Variants in AKAP7 observed in about 807,000 individuals in gnomAD.
The protein encoded by AKAP7 is A-kinase anchoring protein 7, also known as A kinase (PRKA) anchor protein 7.
In AKAP7, 39 loss-of-function variants were observed where a neutral mutation model predicts 39.5. The ratio of observed to expected loss-of-function variants is 0.99; its 90% confidence interval spans 0.76 to 1.29. The LOEUF (loss-of-function observed/expected upper bound fraction) is 1.29. Among genes scored for constraint, AKAP7 ranks in the 50% most tolerant of loss-of-function variants. AKAP7 has a pLI of 0.00. For missense variants in AKAP7, 414 were observed against 407.7 expected (o/e 1.02, Z -0.13); for synonymous variants, 140 against 139.1 (o/e 1.01, Z -0.05).
At chr6:131,182,789 T>C (rs1805395673) in intron 5 of AKAP7, among the ~76,000 whole-genome samples, 1 of 152,152 alleles carries the variant, frequency 6.6e-6, no homozygotes, top group South Asian at 2.1e-4. Context: ...CCAACACTTG[T>C]TATTTTCTAT....
intron 5 of AKAP7, among the ~76,000 whole-genome samples, chr6:131,175,192 G>A (rs549960001): frequency 1.4e-4 from 21 of 152,270 alleles, no homozygotes; most frequent in African/African-American, 4.8e-4. Flanking sequence ...TTTTCACATT[G>A]AGTGGACTGA....
At chr6:131,279,283 C>CT (rs1815008491) in intron 7 of AKAP7, among the ~76,000 whole-genome samples, 1 of 151,634 alleles carries the variant, frequency 6.6e-6, no homozygotes, top group African/African-American at 2.4e-5. Flanking sequence ...TTTTTTTCTT[C>CT]TTTTTTGAGA....
At chr6:131,184,785 G>A (rs1585037136) in intron 5 of AKAP7, 9 of 1,367,370 alleles carry the variant, frequency 6.6e-6, no homozygotes, top group East Asian at 4.6e-5. Context: ...CTTTGTCCTC[G>A]CCCTCCTCAG....
At chr6:131,261,811 A>G (rs1011861619) in intron 7 of AKAP7, among the ~76,000 whole-genome samples, 12 of 152,208 alleles carry the variant, frequency 7.9e-5, no homozygotes, top group Non-Finnish European at 1.5e-4. Context: ...AGTAGTTTGT[A>G]TCATTTAGAA....
At chr6:131,185,285 C>A in intron 5 of AKAP7, 1 of 471,094 alleles carries the variant, frequency 2.1e-6, no homozygotes, top group Non-Finnish European at 4.0e-6. Flanking sequence ...AGTAGTTGTC[C>A]AGAGGCCAAT....
the AKAP7 span, among the ~76,000 whole-genome samples, chr6:131,130,287 T>A: frequency 6.6e-6 from 1 of 152,204 alleles, no homozygotes; most frequent in Admixed American, 6.5e-5. Flanking sequence ...CAGAGTGTAA[T>A]GTGTAGGGAG....
At chr6:131,211,936 A>G (rs1808700198) in intron 6 of AKAP7, among the ~76,000 whole-genome samples, 1 of 152,230 alleles carries the variant, frequency 6.6e-6, no homozygotes, top group African/African-American at 2.4e-5. Context: ...CAAACCTGAT[A>G]GCCTAGCCTA....
At position 131,193,717 on chromosome 6, in the gene AKAP7, C is replaced by T. The variant is rs565063588; in HGVS notation, c.590-5744C>T. Among the ~76,000 whole-genome samples the T allele has an allele frequency of 1.9e-4, 29 of 152,034 alleles. No homozygotes were observed. The South Asian group carries it at 5.4e-3, about 28-fold the overall frequency. On this transcript the variant is annotated intron_variant, in intron 5 of 7. Transcript: ENST00000431975. ...ATTGCTGGGAGATGTTTTATTATGA[C>T]GTTTATCTCATTTGTTATTGGTCTG... is the stretch of plus-strand genomic sequence containing the variant.
intron 7 of AKAP7, among the ~76,000 whole-genome samples, chr6:131,249,175 T>C (rs1467031381): frequency 6.6e-6 from 1 of 152,162 alleles, no homozygotes; most frequent in Admixed American, 6.5e-5. Flanking sequence ...TCACAATATT[T>C]CTAATGTGGA....
chr6:131,183,965 C>G (rs551794244), intron 5 of AKAP7, among the ~76,000 whole-genome samples: 1 of 152,264 alleles, frequency 6.6e-6, no homozygotes, highest in Admixed American at 6.5e-5. Flanking sequence ...GGAGGCAGAA[C>G]AGAGAGAGAA....
chr6:131,164,046 A>T (rs1050354955), intron 3 of AKAP7, among the ~76,000 whole-genome samples: 6 of 152,188 alleles, frequency 3.9e-5, no homozygotes, highest in Non-Finnish European at 7.3e-5. Flanking sequence ...TGATTTGCAC[A>T]ATCACATTCC....
At chr6:131,154,468 G>GTTTTTTTTTTTTTTT (rs58715551) in intron 2 of AKAP7, among the ~76,000 whole-genome samples, 15 of 112,542 alleles carry the variant, frequency 1.3e-4, no homozygotes, top group Non-Finnish European at 1.4e-4. Context: ...CCCTGTCCCT[G>GTTTTTTTTTTTTTTT]TTTTTTTTTT....
At chr6:131,177,016 A>G (rs962253113) in intron 5 of AKAP7, among the ~76,000 whole-genome samples, 65 of 152,292 alleles carry the variant, frequency 4.3e-4, no homozygotes, top group African/African-American at 1.5e-3. Context: ...CTCTGTTTGC[A>G]TATGCCTCCA....
chr6:131,256,817 G>A (rs1357193663), intron 7 of AKAP7, among the ~76,000 whole-genome samples: 1 of 151,900 alleles, frequency 6.6e-6, no homozygotes, highest in Non-Finnish European at 1.5e-5. Flanking sequence ...TGGGATTATA[G>A]ATGTGAGCCA....
chr6:131,210,551 A>G (rs992362234), intron 6 of AKAP7, among the ~76,000 whole-genome samples: 12 of 152,250 alleles, frequency 7.9e-5, no homozygotes, highest in Admixed American at 3.9e-4. Context: ...AAGGCCTTTC[A>G]GTGCAACTGT....
intron 1 of AKAP7, among the ~76,000 whole-genome samples, chr6:131,143,031 G>A (rs1801176336): frequency 6.6e-6 from 1 of 152,168 alleles, no homozygotes. Flanking sequence ...CACAATACCT[G>A]TACCACCTTT....
chr6:131,130,037 G>A, the AKAP7 span, among the ~76,000 whole-genome samples: 3 of 152,176 alleles, frequency 2.0e-5, no homozygotes, highest in Non-Finnish European at 4.4e-5. Context: ...AGTCGGGCAG[G>A]GTGAATGAGT....
chr6:131,270,220 T>C (rs1814157840), intron 7 of AKAP7, among the ~76,000 whole-genome samples: 1 of 152,222 alleles, frequency 6.6e-6, no homozygotes, highest in South Asian at 2.1e-4. Flanking sequence ...TCTCATGCCC[T>C]TTTATAGTCA....
intron 5 of AKAP7, among the ~76,000 whole-genome samples, chr6:131,175,011 A>T (rs1426803021): frequency 1.3e-5 from 2 of 152,090 alleles, no homozygotes; most frequent in Middle Eastern, 3.4e-3. Flanking sequence ...AACATAAACA[A>T]TTGATTAACA....
Sources: allele counts gnomAD v4.1 joint callset (sites outside exome capture counted in the v4.1 genomes callset), GRCh38; gene constraint gnomAD v4.1.1; transcripts MANE v1.5; gene names NCBI Gene and HGNC (gene_info 2026-07-23, HGNC 2026-07-21).